RAB18: variants seen among roughly 807,000 people sequenced by gnomAD.
RAB18 encodes the protein ras-related protein Rab-18.
A neutral mutation model predicts 28.5 loss-of-function variants in RAB18; 10 were observed. That is an observed-to-expected ratio of 0.35 (90% CI 0.22 to 0.60). RAB18 has a LOEUF of 0.60. RAB18 is among the 20% of genes least tolerant of loss of function. The pLI is 0.78. For synonymous variants in RAB18, 93 were observed against 86.9 expected (o/e 1.07, Z -0.39); for missense variants, 188 against 244.2 (o/e 0.77, Z 1.53).
In RAB18 at chr10:27,541,293, C is replaced by T. The variant is rs1043824501; in HGVS notation, c.*3242C>T. On this transcript the variant is annotated 3_prime_UTR_variant, in exon 7 of 7. Transcript: ENST00000356940. Reference sequence around the variant, plus strand: ...AAAGACGAGAATAAATAGACATAGACAGGCTAGCTAAGTCAAGACTAGGGG... The same window carrying T: ...AAAGACGAGAATAAATAGACATAGATAGGCTAGCTAAGTCAAGACTAGGGG... 3.7e-5 allele frequency: 17 copies of T among 453,612 alleles called. No homozygotes were observed. Among genetic ancestry groups the T allele is most frequent in the African/African-American group, 3.4e-4 (17 of 49,912 alleles). The allele number at this position is 453,612 out of a possible 1,614,324, so 28.1% of individuals were successfully genotyped here.
rs1483471214 is a variant in RAB18, at chr10:27,538,585, A to G, written c.*534A>G. ...CTCATCACAGAATGTAGCCCAGGCC[A>G]ATTTATAACTAAATCTCTATTTGTT... On this transcript the variant is annotated 3_prime_UTR_variant, in exon 7 of 7. Transcript: ENST00000356940. 2 of 454,512 alleles carry G rather than the reference A, an allele frequency of 4.4e-6. No homozygotes were observed. The highest frequency in any genetic ancestry group is 4.4e-6 in the Non-Finnish European group (1 of 226,788). The allele number at this position is 454,512 out of a possible 1,614,324, so 28.2% of individuals were successfully genotyped here. A position where few individuals can be genotyped will look rare whatever the true frequency, so the allele number is the denominator to read the frequency against.
intron 1 of RAB18, among the ~76,000 whole-genome samples, chr10:27,508,197 G>A (rs936374785): frequency 6.6e-6 from 1 of 152,144 alleles, no homozygotes; most frequent in Admixed American, 6.5e-5. Flanking sequence ...GGGTACCCCT[G>A]TCTAAGATCT....
chr10:27,504,356 G>T lies in RAB18; in HGVS notation c.-14G>T. On this transcript the variant is annotated 5_prime_UTR_variant, in exon 1 of 7. Transcript: ENST00000356940. ...CCGGGCGGCCAGCTGGGCTCGGAGC[G>T]GAACGGGGTCAGGATGGACGAGGAC... 1 of 1,571,150 alleles carries T rather than the reference G, an allele frequency of 6.4e-7. No individual in the cohort carries two copies. The highest frequency in any genetic ancestry group is 8.6e-7 in the Non-Finnish European group (1 of 1,158,848).
In RAB18 at chr10:27,540,518, G is replaced by C; in HGVS notation, c.*2467G>C. Reference sequence around the variant, plus strand: ...GTAATAGAAGTATTTCACACTTTTGGGTTATAGAGTAAATCCCATGATGTA... The same window carrying C: ...GTAATAGAAGTATTTCACACTTTTGCGTTATAGAGTAAATCCCATGATGTA... On this transcript the variant is annotated 3_prime_UTR_variant, in exon 7 of 7. Coordinates refer to ENST00000356940, the MANE Select transcript of RAB18 (RefSeq NM_021252.5). 1 of 453,892 alleles carries C rather than the reference G, an allele frequency of 2.2e-6. No individual in the cohort carries two copies. Among genetic ancestry groups the C allele is most frequent in the Non-Finnish European group, 4.4e-6 (1 of 226,740 alleles). The allele number at this position is 453,892 out of a possible 1,614,324, so 28.1% of individuals were successfully genotyped here.
chr10:27,512,678 C>T (rs1055602690), intron 2 of RAB18, among the ~76,000 whole-genome samples: 1 of 152,022 alleles, frequency 6.6e-6, no homozygotes, highest in Non-Finnish European at 1.5e-5. Context: ...TGCCTGAGTA[C>T]GTATTGGTAT....
intron 2 of RAB18, among the ~76,000 whole-genome samples, chr10:27,515,524 A>C (rs942274283): frequency 1.3e-5 from 2 of 152,132 alleles, no homozygotes; most frequent in African/African-American, 4.8e-5. Flanking sequence ...CAGTTAGACA[A>C]ATTGTGGTTG....
chr10:27,526,935 T>C, intron 3 of RAB18, 46 bp downstream of exon 3: 1 of 1,565,614 alleles, frequency 6.4e-7, no homozygotes, highest in African/African-American at 1.4e-5. Flanking sequence ...ACTTTACTTT[T>C]TAAGGATGCA....
chr10:27,541,805 A>C lies in RAB18; in HGVS notation c.*3754A>C. On this transcript the variant is annotated 3_prime_UTR_variant, in exon 7 of 7. Transcript: ENST00000356940. Reference sequence around the variant, plus strand: ...GCTGTGGCTGCCCGATCCAGCACCTACTTCCTTCTCCCACCATACCACCCC... The same window carrying C: ...GCTGTGGCTGCCCGATCCAGCACCTCCTTCCTTCTCCCACCATACCACCCC... 1 of 452,942 alleles carries C rather than the reference A, an allele frequency of 2.2e-6. No homozygotes were observed. Among genetic ancestry groups the C allele is most frequent in the Non-Finnish European group, 4.4e-6 (1 of 226,628 alleles). 28.1% of individuals were successfully genotyped at this position (452,942 alleles called of 1,614,324 possible).
intron 6 of RAB18, among the ~76,000 whole-genome samples, chr10:27,535,261 CT>C (rs34135951): frequency 6.6e-6 from 1 of 151,918 alleles, no homozygotes; most frequent in African/African-American, 2.4e-5. Context: ...AGATTTTGTG[CT>C]TTTTTTTAAG....
intron 1 of RAB18, 48 bp downstream of exon 1, chr10:27,504,485 C>CCCAG: frequency 5.2e-6 from 8 of 1,539,982 alleles, no homozygotes; most frequent in Non-Finnish European, 7.0e-6. Flanking sequence ...GCTCTTTCTG[C>CCCAG]CCCGGTGGCT....
intron 2 of RAB18, among the ~76,000 whole-genome samples, chr10:27,517,667 T>C (rs1026782423): frequency 6.6e-6 from 1 of 152,250 alleles, no homozygotes; most frequent in African/African-American, 2.4e-5. Flanking sequence ...TTCTTACATA[T>C]GAGTTCATAG....
intron 2 of RAB18, among the ~76,000 whole-genome samples, chr10:27,525,043 T>C (rs559310471): frequency 4.9e-4 from 75 of 152,338 alleles, no homozygotes; most frequent in Non-Finnish European, 9.7e-4. Flanking sequence ...CATTGTTAGT[T>C]ATCCACATGC....
intron 3 of RAB18, among the ~76,000 whole-genome samples, chr10:27,528,005 A>C (rs1834713214): frequency 6.6e-6 from 1 of 152,124 alleles, no homozygotes; most frequent in Non-Finnish European, 1.5e-5. Flanking sequence ...AACAATTTGG[A>C]AAATGTTGGA....
intron 1 of RAB18, among the ~76,000 whole-genome samples, chr10:27,506,017 C>T (rs1313211508): frequency 2.0e-5 from 3 of 152,148 alleles, no homozygotes; most frequent in African/African-American, 7.2e-5. Context: ...TTTACATGAT[C>T]ATCTATTATT....
Position 27,538,438 on chromosome 10 carries a change from C to A in RAB18, c.*387C>A, listed in dbSNP as rs12248740. ...ATTACTTGGTATTTAGAACTCCTAG[C>A]ACCACGGGGAAGAATAGAGGTATCA... On this transcript the variant is annotated 3_prime_UTR_variant, in exon 7 of 7. Coordinates refer to ENST00000356940, the MANE Select transcript of RAB18 (RefSeq NM_021252.5). 0.016 allele frequency: 7,129 copies of A among 455,922 alleles called. 400 individuals are homozygous for A. The highest frequency in any genetic ancestry group is 0.13 in the African/African-American group (6,285 of 50,146). The allele number at this position is 455,922 out of a possible 1,614,324, so 28.2% of individuals were successfully genotyped here.
chr10:27,513,400 A>T (rs1294287950), intron 2 of RAB18, among the ~76,000 whole-genome samples: 1 of 152,074 alleles, frequency 6.6e-6, no homozygotes, highest in Non-Finnish European at 1.5e-5. Flanking sequence ...GTTTTATGAA[A>T]ATTGGTATTT....
In RAB18 at chr10:27,533,805, TACAAG is replaced by T. The variant is rs1834838024; in HGVS notation, c.332_336del (p.Thr111LysfsTer2). The T allele has an allele frequency of 6.2e-7, 1 of 1,613,592 alleles. No individual in the cohort carries two copies. Among genetic ancestry groups the T allele is most frequent in the Non-Finnish European group, 8.5e-7 (1 of 1,179,774 alleles). On this transcript the variant is annotated frameshift_variant, in exon 5 of 7. Transcript: ENST00000356940. LOFTEE classifies it high-confidence loss of function. ...GGTTAAATGAATTGGAAACATACTG[TACAAG>T]AAATGACATAGTAAACATGCTAGTT...
At chr10:27,506,821 C>T (rs1045546266) in intron 1 of RAB18, among the ~76,000 whole-genome samples, 6 of 152,136 alleles carry the variant, frequency 3.9e-5, no homozygotes, top group Non-Finnish European at 5.9e-5. Flanking sequence ...TTCATGCCAC[C>T]GAAACAAAGA....
rs1834970642 is a variant in RAB18, at chr10:27,539,276, A to C, written c.*1225A>C. 3.2e-6 allele frequency: 1 copy of C among 308,036 alleles called. No homozygotes were observed. The allele number at this position is 308,036 out of a possible 1,614,324, so 19.1% of individuals were successfully genotyped here. A position where few individuals can be genotyped will look rare whatever the true frequency, so the allele number is the denominator to read the frequency against. Reference sequence around the variant, plus strand: ...CCCCAAATAAGTTATTTGTCCTTTAAGGTTGGTTACTATAATACCCCTCAG... The same window carrying C: ...CCCCAAATAAGTTATTTGTCCTTTACGGTTGGTTACTATAATACCCCTCAG... On this transcript the variant is annotated 3_prime_UTR_variant, in exon 7 of 7. Coordinates refer to ENST00000356940, the MANE Select transcript of RAB18 (RefSeq NM_021252.5).
Sources: allele counts gnomAD v4.1 joint callset (sites outside exome capture counted in the v4.1 genomes callset), GRCh38; gene constraint gnomAD v4.1.1; transcripts MANE v1.5; gene names NCBI Gene and HGNC (gene_info 2026-07-23, HGNC 2026-07-21).